The following RHOU variants were observed in gnomAD, a reference collection of about 807,000 sequenced individuals.
The protein encoded by RHOU is ras homolog family member U.
Under a neutral mutation model 12.6 loss-of-function variants are expected in RHOU, and 8 were observed. The observed-to-expected ratio is 0.64, with a 90% CI of 0.37 to 1.15. RHOU has a LOEUF of 1.15. Among genes scored for constraint, RHOU ranks in the 50% most tolerant of loss-of-function variants. RHOU has a pLI of 0.01. For synonymous variants in RHOU, 161 were observed against 147.4 expected (o/e 1.09, Z -0.67); for missense variants, 258 against 347.0 (o/e 0.74, Z 2.04).
chr1:228,724,040 G>GT, the RHOU span, among the ~76,000 whole-genome samples: 10 of 151,878 alleles, frequency 6.6e-5, no homozygotes, highest in Non-Finnish European at 4.4e-5. Flanking sequence ...CTTCCTGCCT[G>GT]TTTTTTTTCG....
At chr1:228,698,785 G>A in the RHOU span, among the ~76,000 whole-genome samples, 28 of 152,078 alleles carry the variant, frequency 1.8e-4, no homozygotes, top group Admixed American at 6.6e-4. Flanking sequence ...CCCCACATCG[G>A]CCCTTTGTCT....
the RHOU span, among the ~76,000 whole-genome samples, chr1:228,697,217 C>G: frequency 1.3e-5 from 2 of 152,308 alleles, no homozygotes; most frequent in South Asian, 4.1e-4. Context: ...AGAGATGTGT[C>G]AAAACTTTCA....
At chr1:228,650,485 G>A in the RHOU span, 1 of 456,582 alleles carries the variant, frequency 2.2e-6, no homozygotes, top group Admixed American at 2.4e-5. Context: ...CAGCATCCTG[G>A]TGGCCGTGAT....
the RHOU span, chr1:228,687,819 G>A: frequency 7.9e-7 from 1 of 1,262,082 alleles, no homozygotes; most frequent in South Asian, 1.2e-5. Flanking sequence ...CAGTGATAAT[G>A]AAAGCTAAGC....
the RHOU span, among the ~76,000 whole-genome samples, chr1:228,656,930 T>C: frequency 5.3e-5 from 8 of 152,266 alleles, 1 homozygote; most frequent in Admixed American, 6.5e-5. Context: ...CTATGCTGTC[T>C]ACAAGAGAGA....
At chr1:228,704,105 G>A in the RHOU span, among the ~76,000 whole-genome samples, 1 of 152,124 alleles carries the variant, frequency 6.6e-6, no homozygotes, top group Non-Finnish European at 1.5e-5. Context: ...ACTATATTTT[G>A]TATCCAGTGG....
At chr1:228,704,281 A>G in the RHOU span, among the ~76,000 whole-genome samples, 1 of 151,866 alleles carries the variant, frequency 6.6e-6, no homozygotes, top group Non-Finnish European at 1.5e-5. Flanking sequence ...TAACCCAACC[A>G]CCTTGGGCAC....
chr1:228,650,149 G>C, the RHOU span: 1 of 454,220 alleles, frequency 2.2e-6, no homozygotes, highest in Non-Finnish European at 4.4e-6. Flanking sequence ...ATGGAAAGCA[G>C]AGCTGCACTG....
the RHOU span, among the ~76,000 whole-genome samples, chr1:228,707,144 A>G: frequency 1.5e-5 from 2 of 129,758 alleles, no homozygotes; most frequent in East Asian, 2.2e-4. Flanking sequence ...ATATATATAT[A>G]TGTATATATA....
the RHOU span, among the ~76,000 whole-genome samples, chr1:228,696,798 C>T: frequency 1.3e-5 from 2 of 152,162 alleles, no homozygotes; most frequent in East Asian, 1.9e-4. Context: ...CCACCCGCCT[C>T]GACCTGCCAA....
At chr1:228,742,675 C>T (rs1356932421) in intron 2 of RHOU, among the ~76,000 whole-genome samples, 1 of 152,210 alleles carries the variant, frequency 6.6e-6, no homozygotes, top group South Asian at 2.1e-4. Context: ...CAAAGGTCCT[C>T]AACTCCATTT....
At chr1:228,713,587 C>G in the RHOU span, among the ~76,000 whole-genome samples, 1 of 152,186 alleles carries the variant, frequency 6.6e-6, no homozygotes, top group Non-Finnish European at 1.5e-5. Flanking sequence ...CCACCTCGGC[C>G]TCCCAAAGTG....
the RHOU span, among the ~76,000 whole-genome samples, chr1:228,726,651 T>G: frequency 6.9e-6 from 1 of 144,074 alleles, no homozygotes; most frequent in South Asian, 2.2e-4. Context: ...GCCAAGACAG[T>G]GAGACTCCAT....
chr1:228,669,898 G>A, the RHOU span, among the ~76,000 whole-genome samples: 1 of 152,324 alleles, frequency 6.6e-6, no homozygotes, highest in African/African-American at 2.4e-5. Flanking sequence ...TAAGGGTGCT[G>A]AGATAGTGAT....
chr1:228,648,860 CTTTCT>C, the RHOU span, among the ~76,000 whole-genome samples: 2 of 68,158 alleles, frequency 2.9e-5, no homozygotes, highest in South Asian at 5.0e-4. Flanking sequence ...TCCTCTCTCT[CTTTCT>C]TTCTTTCTTT....
the RHOU span, among the ~76,000 whole-genome samples, chr1:228,727,545 A>C: frequency 2.0e-5 from 3 of 152,200 alleles, no homozygotes; most frequent in Non-Finnish European, 4.4e-5. Flanking sequence ...CAGACTGACA[A>C]GCAGATTTAT....
chr1:228,734,594 T>A (rs1047060540), upstream of RHOU, among the ~76,000 whole-genome samples: 1 of 135,172 alleles, frequency 7.4e-6, no homozygotes, highest in Non-Finnish European at 1.5e-5. Context: ...GTTCAGTATT[T>A]GTTATTGTTA....
the RHOU span, among the ~76,000 whole-genome samples, chr1:228,689,807 C>T: frequency 6.6e-6 from 1 of 151,886 alleles, no homozygotes; most frequent in Non-Finnish European, 1.5e-5. Context: ...ACCATCCCTA[C>T]CACCCCTAGT....
chr1:228,707,228 T>C, the RHOU span, among the ~76,000 whole-genome samples: 40 of 96,144 alleles, frequency 4.2e-4, no homozygotes, highest in East Asian at 1.5e-3. Flanking sequence ...CATATATATA[T>C]ACATATGTAT....
Sources: allele counts gnomAD v4.1 joint callset (sites outside exome capture counted in the v4.1 genomes callset), GRCh38; gene constraint gnomAD v4.1.1; transcripts MANE v1.5; gene names NCBI Gene and HGNC (gene_info 2026-07-23, HGNC 2026-07-21).